The following FBXL7 variants were observed in gnomAD, a reference collection of about 807,000 sequenced individuals.
FBXL7 encodes F-box/LRR-repeat protein 7.
FBXL7 carries 12 observed loss-of-function variants against 38.3 expected under a neutral mutation model. That is an observed-to-expected ratio of 0.31 (90% CI 0.20 to 0.51). The LOEUF (loss-of-function observed/expected upper bound fraction) is 0.51. Ranked by LOEUF, FBXL7 falls within the 20% of genes least tolerant of loss-of-function variation. FBXL7 has a pLI of 0.98. For missense variants in FBXL7, 567 were observed against 676.4 expected, an observed-to-expected ratio of 0.84 and a Z score of 1.79; for synonymous variants, 297 against 300.9, an observed-to-expected ratio of 0.99 and a Z score of 0.13.
chr5:15,504,102 A>C (rs987110849), intron 1 of FBXL7, among the ~76,000 whole-genome samples: 3 of 152,256 alleles, frequency 2.0e-5, no homozygotes, highest in African/African-American at 7.2e-5. Context: ...GTGCATGTTA[A>C]AGTTGAGAGA....
chr5:15,621,313 C>G (rs1413384755), intron 2 of FBXL7, among the ~76,000 whole-genome samples: 1 of 152,182 alleles, frequency 6.6e-6, no homozygotes, highest in Non-Finnish European at 1.5e-5. Context: ...GTGTAGAAGG[C>G]TGGAAATTTT....
intron 1 of FBXL7, among the ~76,000 whole-genome samples, chr5:15,559,971 G>C (rs901610204): frequency 2.6e-5 from 4 of 152,166 alleles, no homozygotes; most frequent in Non-Finnish European, 5.9e-5. Context: ...AGGTATCCCT[G>C]GCACCTACAC....
At chr5:15,581,551 A>C (rs1241603257) in intron 1 of FBXL7, among the ~76,000 whole-genome samples, 1 of 152,194 alleles carries the variant, frequency 6.6e-6, no homozygotes, top group Admixed American at 6.5e-5. Flanking sequence ...CAATGGGGGA[A>C]AATTGTAGCA....
At chr5:15,553,380 C>A (rs1738142254) in intron 1 of FBXL7, among the ~76,000 whole-genome samples, 1 of 152,278 alleles carries the variant, frequency 6.6e-6, no homozygotes, top group East Asian at 1.9e-4. Context: ...AAGTCATTAC[C>A]TCTTGAATAT....
intron 1 of FBXL7, among the ~76,000 whole-genome samples, chr5:15,577,452 G>A (rs898532568): frequency 2.6e-5 from 4 of 152,152 alleles, no homozygotes; most frequent in African/African-American, 9.7e-5. Context: ...TTTCTATTTA[G>A]CTAGCTGCAT....
intron 1 of FBXL7, among the ~76,000 whole-genome samples, chr5:15,533,431 A>G (rs572051): frequency 0.12 from 18,207 of 152,138 alleles, 3,407 homozygotes; most frequent in African/African-American, 0.4. Flanking sequence ...GTGGGGAGCC[A>G]AGGGGATTTG....
intron 2 of FBXL7, among the ~76,000 whole-genome samples, chr5:15,640,386 C>G (rs1741320513): frequency 6.6e-6 from 1 of 152,134 alleles, no homozygotes; most frequent in Non-Finnish European, 1.5e-5. Flanking sequence ...TGCAACTCTT[C>G]TTCTCTTTTA....
chr5:15,543,997 A>G (rs923603656), intron 1 of FBXL7, among the ~76,000 whole-genome samples: 15 of 152,192 alleles, frequency 9.9e-5, no homozygotes, highest in African/African-American at 3.6e-4. Flanking sequence ...GAGGTGGGGA[A>G]GCAGTTTTCT....
At chr5:15,914,008 A>G (rs1434624305) in intron 2 of FBXL7, among the ~76,000 whole-genome samples, 1 of 152,248 alleles carries the variant, frequency 6.6e-6, no homozygotes, top group Non-Finnish European at 1.5e-5. Context: ...TTTCAACAGT[A>G]GAGATCTTAA....
intron 2 of FBXL7, among the ~76,000 whole-genome samples, chr5:15,681,557 T>G (rs1237089744): frequency 1.3e-5 from 2 of 152,314 alleles, no homozygotes; most frequent in East Asian, 3.9e-4. Flanking sequence ...AACCTGTTAG[T>G]AGTATTTACC....
intron 2 of FBXL7, among the ~76,000 whole-genome samples, chr5:15,723,166 A>C (rs1054429120): frequency 1.3e-5 from 2 of 152,112 alleles, no homozygotes; most frequent in Non-Finnish European, 2.9e-5. Flanking sequence ...TGGAATTATG[A>C]TTCAGTGTAG....
chr5:15,819,283 T>TGGG, intron 2 of FBXL7, among the ~76,000 whole-genome samples: 1 of 152,078 alleles, frequency 6.6e-6, no homozygotes, highest in African/African-American at 2.4e-5. Flanking sequence ...GTGAATAATT[T>TGGG]TAATTTCTAA....
In FBXL7 at chr5:15,733,598, A is replaced by G. The variant is rs144502550; in HGVS notation, c.127+117526A>G. 7.6e-4 allele frequency among the ~76,000 whole-genome samples: 116 copies of G among 152,304 alleles called. 1 individual carries two copies. The East Asian group carries it at 0.02, about 27-fold the overall frequency. ...CTGTCCTAATACAACCTGTAGGCCT[A>G]TAAAAGGGGCAGAGGCCAGAATTTG... On this transcript the variant is annotated intron_variant, in intron 2 of 3. Coordinates refer to ENST00000504595, the MANE Select transcript of FBXL7 (RefSeq NM_012304.5).
chr5:15,592,687 A>T (rs939138887), intron 1 of FBXL7, among the ~76,000 whole-genome samples: 5 of 152,186 alleles, frequency 3.3e-5, no homozygotes, highest in African/African-American at 4.8e-5. Context: ...AGATTTGTAT[A>T]CACATCTAGT....
chr5:15,660,823 G>A (rs1742042338), intron 2 of FBXL7, among the ~76,000 whole-genome samples: 1 of 152,214 alleles, frequency 6.6e-6, no homozygotes, highest in African/African-American at 2.4e-5. Flanking sequence ...TTAAGATGAT[G>A]TATGTTCACT....
intron 2 of FBXL7, among the ~76,000 whole-genome samples, chr5:15,657,486 CATT>C (rs1309131999): frequency 6.6e-6 from 1 of 152,214 alleles, no homozygotes; most frequent in South Asian, 2.1e-4. Flanking sequence ...ATAAATTATT[CATT>C]ATTCAGTTAA....
chr5:15,568,996 T>C (rs1366888298), intron 1 of FBXL7, among the ~76,000 whole-genome samples: 2 of 152,232 alleles, frequency 1.3e-5, no homozygotes, highest in Admixed American at 1.3e-4. Flanking sequence ...ACTATAGCCT[T>C]GTAGTATAGT....
At chr5:15,533,948 T>TC (rs1164971735) in intron 1 of FBXL7, among the ~76,000 whole-genome samples, 7 of 152,128 alleles carry the variant, frequency 4.6e-5, no homozygotes, top group African/African-American at 1.2e-4. Context: ...CACCTTTTTT[T>TC]CCCCCTTTTT....
chr5:15,800,904 A>G (rs1474051786), intron 2 of FBXL7, among the ~76,000 whole-genome samples: 1 of 152,216 alleles, frequency 6.6e-6, no homozygotes, highest in African/African-American at 2.4e-5. Flanking sequence ...AGGATTCTCC[A>G]GAGAAACAGA....
Sources: gnomAD v4.1 joint callset for allele counts (sites outside exome capture counted in the v4.1 genomes callset) on GRCh38, gnomAD v4.1.1 for gene constraint, MANE v1.5 for transcripts, NCBI Gene and HGNC (gene_info 2026-07-23, HGNC 2026-07-21) for gene names.